Variants in TMTC2 observed in about 807,000 individuals in gnomAD.
TMTC2 encodes the protein transmembrane O-mannosyltransferase targeting cadherins 2.
Under a neutral mutation model 82.4 loss-of-function variants are expected in TMTC2, and 43 were observed. The ratio of observed to expected loss-of-function variants is 0.52; its 90% CI spans 0.41 to 0.67. The LOEUF is 0.67. TMTC2 is among the 30% of genes least tolerant of loss of function. TMTC2 has a pLI of 0.00. For synonymous variants in TMTC2, 408 were observed against 381.9 expected, an observed-to-expected ratio of 1.07 and a Z score of -0.80; for missense variants, 919 against 1,012.4, an observed-to-expected ratio of 0.91 and a Z score of 1.25.
At chr12:82,975,364 C>G (rs1171543502) in intron 7 of TMTC2, among the ~76,000 whole-genome samples, 2 of 152,112 alleles carry the variant, frequency 1.3e-5, no homozygotes. Flanking sequence ...ATTTTATCTA[C>G]ACTGATAGAA....
intron 7 of TMTC2, among the ~76,000 whole-genome samples, chr12:82,973,157 A>G (rs747807897): frequency 1.7e-4 from 26 of 152,156 alleles, no homozygotes; most frequent in Non-Finnish European, 2.6e-4. Flanking sequence ...TGCTTCCCCT[A>G]TTTTGAGTTC....
At chr12:83,087,736 A>C (rs962938759) in intron 11 of TMTC2, among the ~76,000 whole-genome samples, 2 of 152,222 alleles carry the variant, frequency 1.3e-5, no homozygotes, top group African/African-American at 4.8e-5. Context: ...TGCACTTAAA[A>C]TATTCAGTAG....
chr12:82,929,173 C>T (rs1026361068), intron 3 of TMTC2, among the ~76,000 whole-genome samples: 3 of 151,904 alleles, frequency 2.0e-5, no homozygotes, highest in Non-Finnish European at 4.4e-5. Context: ...TCTATGGGCT[C>T]AACTCTGTGG....
chr12:82,768,492 C>T (rs984930362), intron 1 of TMTC2, among the ~76,000 whole-genome samples: 3 of 152,132 alleles, frequency 2.0e-5, no homozygotes, highest in Admixed American at 2.0e-4. Context: ...ATGGCCTGTC[C>T]GCACTTCCAG....
intron 8 of TMTC2, among the ~76,000 whole-genome samples, chr12:82,990,726 A>G (rs1879363229): frequency 6.6e-6 from 1 of 151,934 alleles, no homozygotes; most frequent in Non-Finnish European, 1.5e-5. Flanking sequence ...TCAATGTATT[A>G]GTTACTATCC....
chr12:83,016,052 T>C (rs1017688304), intron 8 of TMTC2, among the ~76,000 whole-genome samples: 1 of 152,186 alleles, frequency 6.6e-6, no homozygotes, highest in African/African-American at 2.4e-5. Context: ...TCACAGAAAA[T>C]TATTGTTCGC....
chr12:82,889,149 C>T (rs1407331583), intron 2 of TMTC2, among the ~76,000 whole-genome samples: 1 of 151,402 alleles, frequency 6.6e-6, no homozygotes, highest in East Asian at 2.0e-4. Flanking sequence ...TGGTGGCACA[C>T]ATCTGTAATC....
chr12:82,708,655 T>G (rs1189672901), intron 1 of TMTC2, among the ~76,000 whole-genome samples: 1 of 152,216 alleles, frequency 6.6e-6, no homozygotes, highest in African/African-American at 2.4e-5. Flanking sequence ...AGGAAGTGCC[T>G]GCTGTTTCAT....
chr12:82,896,282 A>G lies in TMTC2; in HGVS notation c.1119A>G (p.Val373=). ...SETKSSFASK[V]ENGIKNDVSQ... is the part of the protein sequence containing the mutation. Reference sequence around the variant, plus strand: ...CTAAGTCCAGCTTTGCATCCAAAGTAGAAAATGGCATTAAAAACGATGTAT... The same window carrying G: ...CTAAGTCCAGCTTTGCATCCAAAGTGGAAAATGGCATTAAAAACGATGTAT... Residue 373 remains valine (V), a synonymous_variant, in exon 3 of 12, where the codon GTA becomes GTG. Coordinates refer to ENST00000321196, the MANE Select transcript of TMTC2 (RefSeq NM_152588.3). The G allele has an allele frequency of 1.2e-6, 2 of 1,614,176 alleles. No homozygotes were observed. The highest frequency in any genetic ancestry group is 1.7e-6 in the Non-Finnish European group (2 of 1,180,032).
intron 3 of TMTC2, among the ~76,000 whole-genome samples, chr12:82,909,982 C>T (rs1218522998): frequency 6.6e-6 from 1 of 152,012 alleles, no homozygotes. Context: ...GTATTTGAAC[C>T]CTCTAAAGCA....
intron 1 of TMTC2, among the ~76,000 whole-genome samples, chr12:82,790,230 A>G (rs568288753): frequency 1.3e-5 from 2 of 151,132 alleles, no homozygotes; most frequent in East Asian, 2.0e-4. Flanking sequence ...TGTCATGGAC[A>G]GTCTTGTGCT....
chr12:82,751,090 T>G (rs929178702), intron 1 of TMTC2, among the ~76,000 whole-genome samples: 2 of 152,072 alleles, frequency 1.3e-5, no homozygotes, highest in African/African-American at 4.8e-5. Context: ...TTAAACTAGG[T>G]TTCTAAAATT....
intron 11 of TMTC2, among the ~76,000 whole-genome samples, chr12:83,087,222 A>G (rs11115573): frequency 0.043 from 6,565 of 152,204 alleles, 467 homozygotes; most frequent in African/African-American, 0.15. Flanking sequence ...CATCCATTCA[A>G]GTTTTTTCCT....
intron 11 of TMTC2, among the ~76,000 whole-genome samples, chr12:83,121,564 G>A (rs71450922): frequency 6.6e-6 from 1 of 152,038 alleles, no homozygotes; most frequent in African/African-American, 2.4e-5. Flanking sequence ...GTGGCAGGGG[G>A]GTGAAATGGA....
chr12:82,905,899 C>T (rs1375988546), intron 3 of TMTC2, among the ~76,000 whole-genome samples: 7 of 150,530 alleles, frequency 4.7e-5, no homozygotes, highest in Admixed American at 1.3e-4. Flanking sequence ...GAGCCGAGAT[C>T]GCGTCATTGC....
intron 1 of TMTC2, among the ~76,000 whole-genome samples, chr12:82,829,723 A>C (rs1003254550): frequency 6.6e-5 from 10 of 152,214 alleles, no homozygotes; most frequent in Non-Finnish European, 1.3e-4. Flanking sequence ...AGGTGCTATA[A>C]GGGTAAACCA....
intron 9 of TMTC2, among the ~76,000 whole-genome samples, chr12:83,039,273 G>A (rs1881799539): frequency 6.6e-6 from 1 of 151,930 alleles, no homozygotes; most frequent in Non-Finnish European, 1.5e-5. Context: ...TAGATAGCAG[G>A]ATAATTATGG....
At chr12:82,780,093 CTCAG>C (rs943534929) in intron 1 of TMTC2, among the ~76,000 whole-genome samples, 8 of 152,124 alleles carry the variant, frequency 5.3e-5, no homozygotes, top group Admixed American at 3.3e-4. Flanking sequence ...ATTATCTGTT[CTCAG>C]TCTTTTCTAT....
At chr12:82,961,682 A>G (rs1019430937) in intron 4 of TMTC2, among the ~76,000 whole-genome samples, 1 of 151,982 alleles carries the variant, frequency 6.6e-6, no homozygotes, top group Non-Finnish European at 1.5e-5. Context: ...GCGTCTGCCT[A>G]CTGGCAGTCT....
Sources: allele counts gnomAD v4.1 joint callset (sites outside exome capture counted in the v4.1 genomes callset), GRCh38; gene constraint gnomAD v4.1.1; transcripts MANE v1.5; gene names NCBI Gene and HGNC (gene_info 2026-07-23, HGNC 2026-07-21).